Variants in RIN3 observed in about 807,000 individuals in gnomAD.
RIN3 encodes Ras and Rab interactor 3.
In RIN3, 54 loss-of-function variants were observed where a neutral mutation model predicts 76.3. The ratio of observed to expected loss-of-function variants is 0.71; its 90% CI spans 0.57 to 0.89. The LOEUF is 0.89. RIN3 is among the 40% of genes least tolerant of loss of function. RIN3 has a pLI of 0.00. For synonymous variants in RIN3, 576 were observed against 564.0 expected, an observed-to-expected ratio of 1.02 and a Z score of -0.30; for missense variants, 1,256 against 1,322.1, an observed-to-expected ratio of 0.95 and a Z score of 0.78.
chr14:92,688,297 C>A lies in RIN3; in HGVS notation c.*45C>A. On this transcript the variant is annotated 3_prime_UTR_variant, in exon 10 of 10. Coordinates refer to ENST00000216487, the MANE Select transcript of RIN3 (RefSeq NM_024832.5). ...CCCTCACCCCCAGGCGCACGTCTGG[C>A]CCCGCCTCTGGCTGCGCACTCCCGA... 1 of 1,466,436 alleles carries A rather than the reference C, an allele frequency of 6.8e-7. No individual in the cohort carries two copies. Among genetic ancestry groups the A allele is most frequent in the East Asian group, 2.5e-5 (1 of 40,702 alleles). 90.8% of individuals were successfully genotyped at this position (1,466,436 alleles called of 1,614,324 possible).
At chr14:92,642,393 G>A (rs973671749) in intron 5 of RIN3, among the ~76,000 whole-genome samples, 3 of 152,078 alleles carry the variant, frequency 2.0e-5, no homozygotes, top group African/African-American at 7.2e-5. Flanking sequence ...CACTGCGCCC[G>A]GCCCTGAGAA....
intron 3 of RIN3, among the ~76,000 whole-genome samples, chr14:92,585,401 C>T (rs1409160130): frequency 6.6e-6 from 1 of 152,178 alleles, no homozygotes; most frequent in African/African-American, 2.4e-5. Context: ...CAGGAGGACT[C>T]ATCTAGCATT....
chr14:92,522,520 G>A (rs1896628539), intron 1 of RIN3, among the ~76,000 whole-genome samples: 1 of 152,090 alleles, frequency 6.6e-6, no homozygotes, highest in Admixed American at 6.5e-5. Flanking sequence ...GCTGTGTTGT[G>A]GACCTATGTT....
chr14:92,513,970 C>A lies in RIN3; in HGVS notation c.38C>A (p.Pro13His), dbSNP rs1191172977. 1.6e-6 allele frequency: 2 copies of A among 1,245,458 alleles called. No homozygotes were observed. The highest frequency in any genetic ancestry group is 1.6e-5 in the African/African-American group (1 of 64,350). The allele number at this position is 1,245,458 out of a possible 1,614,324, so 77.2% of individuals were successfully genotyped here. Reference protein sequence around the residue: ...RHAGAPARGDPTGPVPVVGKG... With the variant: ...RHAGAPARGDHTGPVPVVGKG... ...GCCGGGGCGCCCGCGCGCGGGGACCCCACGGGGTAAGTCCGGGCGGCCGCC... is the reference window on the plus strand; with the variant it reads ...GCCGGGGCGCCCGCGCGCGGGGACCACACGGGGTAAGTCCGGGCGGCCGCC... Residue 13 changes from proline (P) to histidine (H), a missense_variant, in exon 1 of 10, where the codon CCC becomes CAC. By Grantham distance (77) the Pro-to-His change is moderately conservative. Coordinates refer to ENST00000216487, the MANE Select transcript of RIN3 (RefSeq NM_024832.5).
At chr14:92,676,645 C>T (rs1888476052) in intron 8 of RIN3, 39 bp downstream of exon 8, 6 of 1,599,334 alleles carry the variant, frequency 3.8e-6, no homozygotes, top group African/African-American at 1.3e-5. Context: ...GCATTGCACA[C>T]CCCCAACTCA....
chr14:92,671,490 G>A (rs1888287482), intron 7 of RIN3, among the ~76,000 whole-genome samples: 1 of 152,180 alleles, frequency 6.6e-6, no homozygotes, highest in African/African-American at 2.4e-5. Context: ...GTAACCCTGG[G>A]GCAGCCCAGG....
chr14:92,581,239 C>T (rs1356443473), intron 3 of RIN3, among the ~76,000 whole-genome samples: 1 of 152,236 alleles, frequency 6.6e-6, no homozygotes, highest in East Asian at 1.9e-4. Context: ...CTTATGGTCT[C>T]CTGGGAGATA....
intron 3 of RIN3, among the ~76,000 whole-genome samples, chr14:92,590,140 A>C (rs374263394): frequency 6.6e-6 from 1 of 152,308 alleles, no homozygotes; most frequent in Admixed American, 6.5e-5. Flanking sequence ...CACTTTTGTG[A>C]GTTTTACCAC....
At chr14:92,537,883 C>T (rs1682458149) in intron 1 of RIN3, among the ~76,000 whole-genome samples, 2 of 151,212 alleles carry the variant, frequency 1.3e-5, no homozygotes, top group Admixed American at 6.6e-5. Flanking sequence ...GTCACCCAGG[C>T]TGGAGCACAG....
rs996405645 is a variant in RIN3 at position 92,588,801 on chromosome 14, T to G, written c.367+11324T>G. On this transcript the variant is annotated intron_variant, in intron 3 of 9. Coordinates refer to ENST00000216487, the MANE Select transcript of RIN3 (RefSeq NM_024832.5). ...ACCTCTCTGGAAATTCTCTACTCAG[T>G]AACCATACTAGTACTAGCACGTGCA... Among the ~76,000 whole-genome samples the G allele has an allele frequency of 2.0e-5, 3 of 152,156 alleles. No individual in the cohort carries two copies. In the South Asian group the frequency reaches 6.2e-4, roughly 31 times the overall value.
rs546499342 is a variant in RIN3, at chr14:92,649,881, G to T, written c.533-1701G>T. Among the ~76,000 whole-genome samples, 6 of 152,302 alleles carry T rather than the reference G, an allele frequency of 3.9e-5. No homozygotes were observed. The South Asian group carries it at 8.3e-4, about 21-fold the overall frequency. ...TATCTGCCCAGGACAGGGCTGGGGG[G>T]TGCACCTCAGAGGGGTGCACACAGC... On this transcript the variant is annotated intron_variant, in intron 5 of 9. Transcript: ENST00000216487.
chr14:92,547,009 TTTA>T (rs35034731), intron 1 of RIN3, among the ~76,000 whole-genome samples: 6 of 110,540 alleles, frequency 5.4e-5, no homozygotes, highest in South Asian at 2.9e-4. Context: ...ATTATTTTAT[TTTA>T]TTATTAATAT....
chr14:92,680,972 C>T (rs1888642286), intron 8 of RIN3, among the ~76,000 whole-genome samples: 1 of 152,172 alleles, frequency 6.6e-6, no homozygotes, highest in Admixed American at 6.5e-5. Context: ...CCCCCACCCC[C>T]TGCCCCTGTG....
chr14:92,550,974 CTCTA>C (rs777187819), intron 1 of RIN3, among the ~76,000 whole-genome samples: 5 of 152,310 alleles, frequency 3.3e-5, no homozygotes, highest in Admixed American at 6.5e-5. Flanking sequence ...CAATGTTTTT[CTCTA>C]TCTGTTTTGT....
intron 2 of RIN3, among the ~76,000 whole-genome samples, chr14:92,572,252 G>A (rs1312966836): frequency 6.6e-6 from 1 of 152,206 alleles, no homozygotes; most frequent in Non-Finnish European, 1.5e-5. Flanking sequence ...GGGAGGGGCC[G>A]CATGCGCAGT....
intron 1 of RIN3, among the ~76,000 whole-genome samples, chr14:92,536,436 A>G (rs549290261): frequency 1.3e-5 from 2 of 152,228 alleles, no homozygotes; most frequent in African/African-American, 4.8e-5. Context: ...AACATAGACT[A>G]TTGACTCAAA....
At position 92,656,018 on chromosome 14, in the gene RIN3, A is replaced by T. The variant is rs1887652591; in HGVS notation, c.2026+2943A>T. Among the ~76,000 whole-genome samples, 1 of 152,194 alleles carries T rather than the reference A, an allele frequency of 6.6e-6. No homozygotes were observed. Among genetic ancestry groups the T allele is most frequent in the African/African-American group, 2.4e-5 (1 of 41,450 alleles). On this transcript the variant is annotated intron_variant, in intron 6 of 9. Coordinates refer to ENST00000216487, the MANE Select transcript of RIN3 (RefSeq NM_024832.5). The surrounding 1 kb of genome is among the most constrained non-coding windows in gnomAD (Gnocchi z 5.2). ...AGGAGCCATGAGACTGGATGAGATC[A>T]TCCGGGTCTGAGGACTGAGCCACAG... is the stretch of plus-strand genomic sequence containing the variant.
intron 1 of RIN3, among the ~76,000 whole-genome samples, chr14:92,549,658 G>GA (rs1188026120): frequency 1.3e-5 from 2 of 152,222 alleles, no homozygotes; most frequent in East Asian, 3.9e-4. Flanking sequence ...GAACTGGTGA[G>GA]AAAATCCCCA....
chr14:92,520,812 G>A (rs8018287), intron 1 of RIN3, among the ~76,000 whole-genome samples: 10,075 of 152,164 alleles, frequency 0.066, 1,123 homozygotes, highest in African/African-American at 0.23. Context: ...AAGAGTCACC[G>A]GGGACCTTTT....
Sources: allele counts gnomAD v4.1 joint callset (sites outside exome capture counted in the v4.1 genomes callset), GRCh38; gene constraint gnomAD v4.1.1; non-coding constraint Gnocchi (gnomAD v3.1); transcripts MANE v1.5; gene names NCBI Gene and HGNC (gene_info 2026-07-23, HGNC 2026-07-21).